UBAC2: variants seen among roughly 807,000 people sequenced by gnomAD.
UBAC2 encodes ubiquitin-associated domain-containing protein 2.
In UBAC2, 26 loss-of-function variants were observed where a neutral mutation model predicts 44.0. The ratio of observed to expected loss-of-function variants is 0.59; its 90% CI spans 0.43 to 0.82. UBAC2 has a LOEUF of 0.82. Ranked by LOEUF, UBAC2 falls within the 40% of genes least tolerant of loss-of-function variation. The probability of loss-of-function intolerance (pLI) is 0.00; values close to 1 mark genes in which losing one functional copy is unlikely to be tolerated. For missense variants in UBAC2, 329 were observed against 419.4 expected (o/e 0.78, Z 1.88); for synonymous variants, 155 against 154.3 (o/e 1.00, Z -0.04).
chr13:99,266,965 A>G (rs2043752021), intron 4 of UBAC2, among the ~76,000 whole-genome samples: 1 of 152,162 alleles, frequency 6.6e-6, no homozygotes, highest in African/African-American at 2.4e-5. Context: ...CAGCTGCACC[A>G]GCAACACAAT....
At chr13:99,262,313 T>A (rs1224247428) in intron 4 of UBAC2, among the ~76,000 whole-genome samples, 1 of 152,220 alleles carries the variant, frequency 6.6e-6, no homozygotes, top group African/African-American at 2.4e-5. Flanking sequence ...ATCTGCAGTT[T>A]CAGGCATCCA....
Position 99,226,537 on chromosome 13 carries a change from A to G in UBAC2, c.32-11890A>G, listed in dbSNP as rs138706866. Among the ~76,000 whole-genome samples the G allele has an allele frequency of 7.5e-3, 1,135 of 152,262 alleles. 10 individuals carry two copies. The highest frequency in any genetic ancestry group is 0.058 in the South Asian group (278 of 4,822). The stretch of plus-strand genomic sequence containing the variant: ...TAATTTCTTCTCAATTTAGCAACCA[A>G]AGTGATCATTCAAAAACATGTCCAA... On this transcript the variant is annotated intron_variant, in intron 1 of 8. Coordinates refer to ENST00000403766, the MANE Select transcript of UBAC2 (RefSeq NM_001144072.2).
intron 1 of UBAC2, chr13:99,201,671 G>C: frequency 7.9e-7 from 1 of 1,258,560 alleles, no homozygotes; most frequent in Non-Finnish European, 1.1e-6. Context: ...TTAGGCACGG[G>C]TACAGCAACG....
At chr13:99,290,099 C>G (rs915905503) in intron 4 of UBAC2, among the ~76,000 whole-genome samples, 5 of 150,618 alleles carry the variant, frequency 3.3e-5, no homozygotes, top group African/African-American at 1.2e-4. Flanking sequence ...GAGTGTAGAG[C>G]CTGGCTCCCC....
chr13:99,235,687 TGCTGGG>T (rs2043224923), intron 1 of UBAC2, among the ~76,000 whole-genome samples: 1 of 152,188 alleles, frequency 6.6e-6, no homozygotes, highest in African/African-American at 2.4e-5. Context: ...AAAAAAATTG[TGCTGGG>T]GCCGGGTGCA....
At chr13:99,263,869 T>C (rs2043704250) in intron 4 of UBAC2, among the ~76,000 whole-genome samples, 1 of 152,184 alleles carries the variant, frequency 6.6e-6, no homozygotes, top group Non-Finnish European at 1.5e-5. Context: ...AGTGTTAAGT[T>C]GAAAAAGCCA....
chr13:99,321,401 C>T (rs1226008867), intron 6 of UBAC2, among the ~76,000 whole-genome samples: 14 of 152,246 alleles, frequency 9.2e-5, no homozygotes, highest in Admixed American at 3.9e-4. Context: ...CACTGCCTCC[C>T]GGGTTCAAGT....
At chr13:99,258,613 A>G (rs1466259022) in intron 4 of UBAC2, 1 of 152,194 alleles carries the variant, frequency 6.6e-6, no homozygotes, top group Admixed American at 6.5e-5. Flanking sequence ...TTTGATATTG[A>G]GTAAAAGGGG....
chr13:99,361,822 C>G (rs112108603), intron 7 of UBAC2, among the ~76,000 whole-genome samples: 9 of 152,168 alleles, frequency 5.9e-5, no homozygotes, highest in African/African-American at 2.2e-4. Flanking sequence ...TCACCATGAC[C>G]ATATATCCAT....
At chr13:99,219,129 G>A (rs2043028040) in intron 1 of UBAC2, among the ~76,000 whole-genome samples, 2 of 152,244 alleles carry the variant, frequency 1.3e-5, no homozygotes, top group Admixed American at 6.5e-5. Context: ...AGGATATGGC[G>A]GCTCCTCCTC....
chr13:99,282,926 T>A (rs954581982), intron 4 of UBAC2, among the ~76,000 whole-genome samples: 1 of 152,204 alleles, frequency 6.6e-6, no homozygotes, highest in Admixed American at 6.5e-5. Context: ...GTGCTTGAAA[T>A]CTAATGTGCT....
At chr13:99,317,707 TTTTAC>T (rs1248381613) in intron 5 of UBAC2, among the ~76,000 whole-genome samples, 2 of 152,238 alleles carry the variant, frequency 1.3e-5, no homozygotes, top group African/African-American at 4.8e-5. Flanking sequence ...ATATGTAGTA[TTTTAC>T]TTTAAGTCAG....
intron 4 of UBAC2, chr13:99,308,708 A>G (rs1453501606): frequency 2.0e-5 from 3 of 152,258 alleles, no homozygotes; most frequent in Non-Finnish European, 2.9e-5. Flanking sequence ...TCTAACGTCT[A>G]AAGTGCTGTG....
intron 8 of UBAC2, among the ~76,000 whole-genome samples, chr13:99,371,290 CATG>C (rs1362875993): frequency 6.6e-6 from 1 of 152,104 alleles, no homozygotes; most frequent in East Asian, 1.9e-4. Flanking sequence ...GTTGTAAAAA[CATG>C]AGGGGTTGTT....
intron 2 of UBAC2, among the ~76,000 whole-genome samples, chr13:99,242,878 G>T (rs1031601225): frequency 1.3e-5 from 2 of 150,248 alleles, no homozygotes; most frequent in African/African-American, 4.9e-5. Flanking sequence ...AGACGGGGCG[G>T]CGGGGCAGAG....
chr13:99,327,482 C>T (rs774125037), intron 6 of UBAC2, among the ~76,000 whole-genome samples: 2 of 150,214 alleles, frequency 1.3e-5, no homozygotes, highest in East Asian at 3.9e-4. Flanking sequence ...TTCTCTCTCT[C>T]TCTGTGTGTG....
At chr13:99,210,697 A>G (rs8002409) in intron 1 of UBAC2, among the ~76,000 whole-genome samples, 147,804 of 152,170 alleles carry the variant, frequency 0.97, 71,918 homozygotes, top group East Asian at 1. Flanking sequence ...GGCTGGTCTC[A>G]AACTCCCGAC....
chr13:99,339,896 G>T (rs1222493007), intron 6 of UBAC2, among the ~76,000 whole-genome samples: 2 of 152,128 alleles, frequency 1.3e-5, no homozygotes, highest in Non-Finnish European at 2.9e-5. Context: ...CGTGTGACTG[G>T]GTCAGCTGAG....
chr13:99,314,019 G>A lies in UBAC2; in HGVS notation c.390-78G>A, dbSNP rs1489094674. 6 of 1,349,010 alleles carry A rather than the reference G, an allele frequency of 4.4e-6. No homozygotes were observed. In the South Asian group the frequency reaches 8.3e-5, roughly 19 times the overall value. 83.6% of individuals were successfully genotyped at this position (1,349,010 alleles called of 1,614,324 possible). A position where few individuals can be genotyped will look rare whatever the true frequency, so the allele number is the denominator to read the frequency against. On this transcript the variant is annotated intron_variant, in intron 4 of 8. Coordinates refer to ENST00000403766, the MANE Select transcript of UBAC2 (RefSeq NM_001144072.2). ...TCAGACTGAAATAAAATTATAAGCA[G>A]TGTTACTTCAAAGATACATCTGCCA...
Sources: gnomAD v4.1 joint callset for allele counts (sites outside exome capture counted in the v4.1 genomes callset) on GRCh38, gnomAD v4.1.1 for gene constraint, MANE v1.5 for transcripts, NCBI Gene and HGNC (gene_info 2026-07-23, HGNC 2026-07-21) for gene names.